Variants in COL21A1 observed in about 807,000 individuals in gnomAD.
COL21A1 encodes the protein collagen alpha-1(XXI) chain.
COL21A1 carries 149 observed loss-of-function variants against 137.9 expected under a neutral mutation model. That is an observed-to-expected ratio of 1.08 (90% CI 0.95 to 1.24). The LOEUF is 1.24. COL21A1 is among the 50% of genes most tolerant of loss of function. The pLI is 0.00. For synonymous variants in COL21A1, 456 were observed against 391.5 expected, an observed-to-expected ratio of 1.16 and a Z score of -1.95; for missense variants, 1,167 against 1,158.4, an observed-to-expected ratio of 1.01 and a Z score of -0.11.
chr6:56,246,671 C>T (rs1782663546), intron 1 of COL21A1, among the ~76,000 whole-genome samples: 2 of 152,158 alleles, frequency 1.3e-5, no homozygotes, highest in East Asian at 3.9e-4. Flanking sequence ...TTTCTGGGCA[C>T]CAGCCTCAGG....
chr6:56,271,436 T>C (rs560649597), intron 1 of COL21A1, among the ~76,000 whole-genome samples: 1 of 152,298 alleles, frequency 6.6e-6, no homozygotes, highest in Non-Finnish European at 1.5e-5. Context: ...CATTCAGTTA[T>C]ATGCATTCAC....
At chr6:56,232,640 A>G (rs957419820) in intron 1 of COL21A1, among the ~76,000 whole-genome samples, 1 of 151,968 alleles carries the variant, frequency 6.6e-6, no homozygotes, top group Non-Finnish European at 1.5e-5. Flanking sequence ...AAAAACAGAC[A>G]TTTCTCAAGC....
At chr6:56,268,606 C>T (rs961427772) in intron 1 of COL21A1, among the ~76,000 whole-genome samples, 23 of 152,176 alleles carry the variant, frequency 1.5e-4, no homozygotes, top group Non-Finnish European at 3.4e-4. Context: ...AGACTTGGCC[C>T]TCTGAAAGTA....
At chr6:56,322,757 T>G (rs984436670) in intron 1 of COL21A1, among the ~76,000 whole-genome samples, 4 of 152,066 alleles carry the variant, frequency 2.6e-5, no homozygotes, top group Admixed American at 2.6e-4. Flanking sequence ...AGTTGACTGT[T>G]GAGGACAGGT....
At chr6:56,259,276 A>G (rs377447993) in intron 1 of COL21A1, among the ~76,000 whole-genome samples, 7 of 152,172 alleles carry the variant, frequency 4.6e-5, no homozygotes, top group Admixed American at 3.3e-4. Context: ...TGCTTCTTCA[A>G]TGCTTCCATT....
chr6:56,119,704 A>G (rs1772280326), intron 16 of COL21A1, among the ~76,000 whole-genome samples: 1 of 152,188 alleles, frequency 6.6e-6, no homozygotes, highest in Admixed American at 6.5e-5. Flanking sequence ...TGGCATACAA[A>G]CAGATACAAA....
intron 1 of COL21A1, among the ~76,000 whole-genome samples, chr6:56,280,675 C>T (rs1473143795): frequency 2.6e-5 from 4 of 152,174 alleles, no homozygotes. Context: ...GAGATTTATT[C>T]TCATCACTTT....
At position 56,314,975 on chromosome 6, in the gene COL21A1, A is replaced by G. The variant is rs117613853; in HGVS notation, c.-39+78996T>C. 1.6e-3 allele frequency among the ~76,000 whole-genome samples: 241 copies of G among 152,326 alleles called. 2 individuals carry two copies. The East Asian group carries it at 0.037, about 24-fold the overall frequency. ...GGAACCTCTGAGCACAAGCAGTATT[A>G]TGGGGTGTTACCGCAAACGCAGACT... On this transcript the variant is annotated intron_variant, in intron 1 of 28. Coordinates refer to the COL21A1 transcript ENST00000370819.
intron 1 of COL21A1, among the ~76,000 whole-genome samples, chr6:56,217,952 C>A (rs925126331): frequency 5.9e-5 from 9 of 152,040 alleles, no homozygotes; most frequent in Non-Finnish European, 8.8e-5. Context: ...GATGGCAAGC[C>A]AATTCTAATC....
chr6:56,264,341 C>T (rs1001604575), intron 1 of COL21A1, among the ~76,000 whole-genome samples: 9 of 152,170 alleles, frequency 5.9e-5, no homozygotes, highest in African/African-American at 2.2e-4. Flanking sequence ...TCTCATCCCA[C>T]CACTTCTCTC....
At position 56,379,804 on chromosome 6, in the gene COL21A1, T is replaced by C. The variant is rs578052860; in HGVS notation, c.-39+14167A>G. 3.9e-5 allele frequency among the ~76,000 whole-genome samples: 6 copies of C among 152,344 alleles called. No homozygotes were observed. In the East Asian group the frequency reaches 7.7e-4, roughly 20 times the overall value. ...ACTATCTCTTCAACACAATAGTTTA[T>C]TAAAATTCTTTATCTTTGATAATCT... On this transcript the variant is annotated intron_variant, in intron 1 of 28. Transcript: ENST00000370819.
intron 1 of COL21A1, among the ~76,000 whole-genome samples, chr6:56,293,927 G>A (rs958784836): frequency 1.3e-5 from 2 of 152,206 alleles, no homozygotes; most frequent in Admixed American, 6.5e-5. Flanking sequence ...AACTTGAACT[G>A]TAACAGCTGA....
chr6:56,092,400 C>T (rs1214466630), intron 17 of COL21A1, among the ~76,000 whole-genome samples: 1 of 152,054 alleles, frequency 6.6e-6, no homozygotes, highest in African/African-American at 2.4e-5. Context: ...TTATATATAG[C>T]ACATTAAGTA....
chr6:56,072,503 T>A (rs1164873150), intron 20 of COL21A1, among the ~76,000 whole-genome samples: 1 of 151,420 alleles, frequency 6.6e-6, no homozygotes, highest in Non-Finnish European at 1.5e-5. Flanking sequence ...CTTCTATCAG[T>A]GATATTGACA....
chr6:56,253,336 TG>T (rs56700003), intron 1 of COL21A1, among the ~76,000 whole-genome samples: 38,033 of 152,096 alleles, frequency 0.25, 6,098 homozygotes, highest in East Asian at 0.67. Flanking sequence ...AGTGTCCACA[TG>T]GGACTGGTTT....
chr6:56,245,760 C>T (rs1782606256), intron 1 of COL21A1, among the ~76,000 whole-genome samples: 1 of 152,172 alleles, frequency 6.6e-6, no homozygotes, highest in Admixed American at 6.5e-5. Flanking sequence ...GACCAAAGTT[C>T]CTGTTCCTAA....
chr6:56,346,532 A>G (rs906130194), intron 1 of COL21A1, among the ~76,000 whole-genome samples: 1 of 152,242 alleles, frequency 6.6e-6, no homozygotes, highest in Non-Finnish European at 1.5e-5. Context: ...CTCATCTCTT[A>G]TATTCTTTGT....
intron 10 of COL21A1, among the ~76,000 whole-genome samples, chr6:56,152,464 C>T (rs1775398257): frequency 1.3e-5 from 2 of 152,182 alleles, no homozygotes; most frequent in Admixed American, 1.3e-4. Flanking sequence ...CTTCCTACCA[C>T]AGTTGTGTTT....
At chr6:56,099,689 C>G (rs191492204) in intron 17 of COL21A1, among the ~76,000 whole-genome samples, 1 of 152,222 alleles carries the variant, frequency 6.6e-6, no homozygotes, top group Admixed American at 6.5e-5. Context: ...CCCACATACA[C>G]ACACACACCT....
Sources: allele counts gnomAD v4.1 joint callset (sites outside exome capture counted in the v4.1 genomes callset), GRCh38; gene constraint gnomAD v4.1.1; transcripts MANE v1.5; gene names NCBI Gene and HGNC (gene_info 2026-07-23, HGNC 2026-07-21).